MSH3: variants seen among roughly 807,000 people sequenced by gnomAD.
The protein encoded by MSH3 is mutS homolog 3.
In MSH3, 106 loss-of-function variants were observed where a neutral mutation model predicts 123.3. The ratio of observed to expected loss-of-function variants is 0.86; its 90% confidence interval spans 0.73 to 1.01. The LOEUF (loss-of-function observed/expected upper bound fraction) is 1.01. Ranked by LOEUF, MSH3 falls within the 50% of genes least tolerant of loss-of-function variation. The pLI is 0.00. For missense variants in MSH3, 1,459 were observed against 1,347.6 expected, an observed-to-expected ratio of 1.08 and a Z score of -1.29; for synonymous variants, 515 against 481.4, an observed-to-expected ratio of 1.07 and a Z score of -0.91.
chr5:80,866,193 C>T (rs2112120035), intron 22 of MSH3, among the ~76,000 whole-genome samples: 1 of 152,274 alleles, frequency 6.6e-6, no homozygotes, highest in African/African-American at 2.4e-5. Flanking sequence ...GGCTGGAGTG[C>T]AGTGGCACGA....
At chr5:80,679,151 A>G in intron 8 of MSH3, 58 bp downstream of exon 8, 1 of 1,528,694 alleles carries the variant, frequency 6.5e-7, no homozygotes, top group Non-Finnish European at 9.1e-7. Flanking sequence ...TTTAGTTCCA[A>G]AACTGATACT....
At chr5:80,802,965 A>G (rs913074079) in intron 19 of MSH3, among the ~76,000 whole-genome samples, 3 of 152,076 alleles carry the variant, frequency 2.0e-5, no homozygotes, top group Non-Finnish European at 2.9e-5. Context: ...TTCTTTGTCC[A>G]TTCATCTGTT....
chr5:80,866,831 A>G (rs867552815), intron 22 of MSH3, among the ~76,000 whole-genome samples: 5 of 151,978 alleles, frequency 3.3e-5, no homozygotes, highest in African/African-American at 4.8e-5. Context: ...AACGTTTTCT[A>G]TTTTCTCAAA....
chr5:80,759,561 C>T (rs901241748), intron 12 of MSH3, among the ~76,000 whole-genome samples: 1 of 152,140 alleles, frequency 6.6e-6, no homozygotes, highest in Non-Finnish European at 1.5e-5. Context: ...AAGAGCTAAA[C>T]AGGCATCAGT....
chr5:80,747,773 G>C lies in MSH3; in HGVS notation c.1763+3158G>C, dbSNP rs75710098. ...TACCATTGTGTTACAGTAGCCTACA[G>C]TATTTAGTAGAGTAACATGCTGTCT... On this transcript the variant is annotated intron_variant, in intron 12 of 23. Transcript: ENST00000265081. Among the ~76,000 whole-genome samples, 1,429 of 152,286 alleles carry C rather than the reference G, an allele frequency of 9.4e-3. 20 individuals are homozygous for C. The highest frequency in any genetic ancestry group is 0.032 in the African/African-American group (1,320 of 41,562).
At chr5:80,767,405 G>A (rs561330949) in intron 13 of MSH3, among the ~76,000 whole-genome samples, 36 of 152,052 alleles carry the variant, frequency 2.4e-4, no homozygotes, top group African/African-American at 7.5e-4. Flanking sequence ...AATCTTTGGC[G>A]TTCCGATAAG....
At chr5:80,823,891 A>G (rs1455931492) in intron 20 of MSH3, among the ~76,000 whole-genome samples, 8 of 152,078 alleles carry the variant, frequency 5.3e-5, no homozygotes, top group African/African-American at 7.2e-5. Flanking sequence ...AGGGAGTGGT[A>G]ATGACTCTTA....
At chr5:80,721,108 C>T (rs889457744) in intron 8 of MSH3, among the ~76,000 whole-genome samples, 7 of 152,146 alleles carry the variant, frequency 4.6e-5, no homozygotes, top group African/African-American at 1.7e-4. Flanking sequence ...TACAGGATAT[C>T]TTACAATATA....
intron 20 of MSH3, among the ~76,000 whole-genome samples, chr5:80,820,654 A>G (rs2112065338): frequency 6.6e-6 from 1 of 152,372 alleles, no homozygotes; most frequent in South Asian, 2.1e-4. Context: ...TTGTGATTCA[A>G]ACACCATCTA....
At chr5:80,870,122 C>T (rs1412711252) in intron 22 of MSH3, among the ~76,000 whole-genome samples, 3 of 139,260 alleles carry the variant, frequency 2.2e-5, no homozygotes, top group Admixed American at 7.9e-5. Context: ...TGTGGTAAGT[C>T]GAGATCATGC....
chr5:80,872,965 C>G (rs1395334151), intron 22 of MSH3, 151 bp from the exon 23 acceptor site: 1 of 723,676 alleles, frequency 1.4e-6, no homozygotes. Flanking sequence ...CTAGACATAT[C>G]AAATTGATAA....
rs551048556 is a variant in MSH3 at position 80,743,275 on chromosome 5, C to T, written c.1654-1231C>T. ...TCTCAGGAGCAGTGCTGCTGCTGAT[C>T]TGAACTGCCCTCCTTAGCCTGTCCA... On this transcript the variant is annotated intron_variant, in intron 11 of 23. Coordinates refer to ENST00000265081, the MANE Select transcript of MSH3 (RefSeq NM_002439.5). 5.9e-5 allele frequency among the ~76,000 whole-genome samples: 9 copies of T among 152,274 alleles called. No homozygotes were observed. The East Asian group carries it at 1.7e-3, about 29-fold the overall frequency.
In MSH3 at chr5:80,784,230, AAAAAAAAAAG is replaced by A. The variant is rs111362141; in HGVS notation, c.2436-3334_2436-3325del. Among the ~76,000 whole-genome samples, 1,142 of 135,774 alleles carry A rather than the reference AAAAAAAAAAG, an allele frequency of 8.4e-3. 167 individuals are homozygous for A. The highest frequency in any genetic ancestry group is 0.033 in the African/African-American group (1,064 of 32,080). The allele number at this position is 135,774 out of a possible 152,430, so 89.1% of individuals were successfully genotyped here. ...TACGTCGCAAAAAAAAAAAAAAAAA[AAAAAAAAAAG>A]GGAAATAAATAAATAAATAAATAAA... On this transcript the variant is annotated intron_variant, in intron 17 of 23. Transcript: ENST00000265081.
Position 80,780,799 on chromosome 5 carries a change from C to T in MSH3, c.2435+1963C>T, listed in dbSNP as rs112448170. Among the ~76,000 whole-genome samples, 20 of 152,212 alleles carry T rather than the reference C, an allele frequency of 1.3e-4. No individual in the cohort carries two copies. The East Asian group carries it at 1.5e-3, about 12-fold the overall frequency. ...ACGAGAATCACTTGAACCGGGGAGGCGGAGGTTGCAGTGAGCCGAGATTGC... is the reference window on the plus strand; with the variant it reads ...ACGAGAATCACTTGAACCGGGGAGGTGGAGGTTGCAGTGAGCCGAGATTGC... On this transcript the variant is annotated intron_variant, in intron 17 of 23. Coordinates refer to ENST00000265081, the MANE Select transcript of MSH3 (RefSeq NM_002439.5).
intron 20 of MSH3, among the ~76,000 whole-genome samples, chr5:80,833,711 G>A (rs992909274): frequency 1.3e-5 from 2 of 152,222 alleles, no homozygotes; most frequent in Admixed American, 1.3e-4. Context: ...AAAGTGCTGG[G>A]ATTACAGGCG....
chr5:80,767,017 A>C (rs959887258), intron 13 of MSH3, among the ~76,000 whole-genome samples: 2 of 152,202 alleles, frequency 1.3e-5, no homozygotes, highest in African/African-American at 2.4e-5. Context: ...CATACTGTAT[A>C]TATTCAATGT....
intron 20 of MSH3, among the ~76,000 whole-genome samples, chr5:80,838,580 A>G (rs1745559477): frequency 6.6e-6 from 1 of 152,234 alleles, no homozygotes. Flanking sequence ...ATATTAAATC[A>G]GTTTTTGCTC....
chr5:80,847,203 G>A (rs568708145), intron 20 of MSH3, among the ~76,000 whole-genome samples: 4 of 152,196 alleles, frequency 2.6e-5, no homozygotes, highest in African/African-American at 9.6e-5. Flanking sequence ...GGGATTACAG[G>A]CATGCACCAC....
At position 80,792,831 on chromosome 5, in the gene MSH3, A is replaced by G. The variant is rs1744631908; in HGVS notation, c.2642A>G (p.Asn881Ser). Residue 881 changes from asparagine (N) to serine (S), a missense_variant, in exon 19 of 24, where the codon AAT (asparagine) becomes AGT (serine). By Grantham distance (46) the Asn-to-Ser change is conservative (BLOSUM62 1). Coordinates refer to ENST00000265081, the MANE Select transcript of MSH3 (RefSeq NM_002439.5). ...LGEQDQYVPNNTDLSEDSERV... is the reference protein window; with the variant it reads ...LGEQDQYVPNSTDLSEDSERV... ...GAACAGGATCAATATGTCCCAAATA[A>G]TACAGATTTATCAGTAAGTACCTTA... The G allele has an allele frequency of 6.2e-7, 1 of 1,606,722 alleles. No individual in the cohort carries two copies. The highest frequency in any genetic ancestry group is 8.5e-7 in the Non-Finnish European group (1 of 1,173,494).
Sources: gnomAD v4.1 joint callset for allele counts (sites outside exome capture counted in the v4.1 genomes callset) on GRCh38, gnomAD v4.1.1 for gene constraint, MANE v1.5 for transcripts, NCBI Gene and HGNC (gene_info 2026-07-23, HGNC 2026-07-21) for gene names.